The following FGD4 variants were observed in gnomAD, a reference collection of about 807,000 sequenced individuals.
The protein encoded by FGD4 is FYVE, RhoGEF and PH domain containing 4.
In FGD4, 42 loss-of-function variants were observed where a neutral mutation model predicts 102.0. That is an observed-to-expected ratio of 0.41 (90% CI 0.32 to 0.53). FGD4 has a LOEUF of 0.53. Among genes scored for constraint, FGD4 ranks in the 20% least tolerant of loss-of-function variants. The pLI is 0.21. For missense variants in FGD4, 902 were observed against 1,078.2 expected (o/e 0.84, Z 2.29); for synonymous variants, 380 against 375.7 (o/e 1.01, Z -0.13).
At chr12:32,599,260 C>T (rs1383554034) in intron 5 of FGD4, among the ~76,000 whole-genome samples, 4 of 150,888 alleles carry the variant, frequency 2.7e-5, no homozygotes, top group South Asian at 4.2e-4. Flanking sequence ...TTTGGGAGGC[C>T]GAGGCGGGCG....
chr12:32,453,812 T>G (rs1942876996), intron 1 of FGD4, among the ~76,000 whole-genome samples: 1 of 152,232 alleles, frequency 6.6e-6, no homozygotes, highest in Non-Finnish European at 1.5e-5. Context: ...CCACACCCAG[T>G]ACCTAACTGA....
intron 4 of FGD4, among the ~76,000 whole-genome samples, chr12:32,587,181 C>A (rs1947111412): frequency 8.9e-6 from 1 of 112,606 alleles, no homozygotes; most frequent in Non-Finnish European, 1.7e-5. Flanking sequence ...CAGGGTGAGA[C>A]TCTCTCAAAA....
chr12:32,623,211 C>T (rs923403561), intron 11 of FGD4, among the ~76,000 whole-genome samples: 2 of 152,066 alleles, frequency 1.3e-5, no homozygotes, highest in African/African-American at 2.4e-5. Context: ...TCTACCATAA[C>T]TAAAAACTAA....
intron 1 of FGD4, among the ~76,000 whole-genome samples, chr12:32,455,141 TAAG>T (rs1410186237): frequency 1.3e-5 from 2 of 152,202 alleles, no homozygotes; most frequent in African/African-American, 4.8e-5. Flanking sequence ...TTCCTTGAAT[TAAG>T]AAGTTTATTC....
chr12:32,437,202 C>T (rs562947359), intron 1 of FGD4, among the ~76,000 whole-genome samples: 24 of 151,942 alleles, frequency 1.6e-4, no homozygotes, highest in African/African-American at 2.7e-4. Flanking sequence ...CATTCTCTTT[C>T]GGGTCAGACG....
chr12:32,590,616 C>T (rs1193517130), intron 4 of FGD4, among the ~76,000 whole-genome samples: 1 of 152,170 alleles, frequency 6.6e-6, no homozygotes, highest in Non-Finnish European at 1.5e-5. Context: ...AATCCTGGCT[C>T]ATTCGCTTAC....
chr12:32,606,703 A>G (rs1948806372), intron 7 of FGD4, among the ~76,000 whole-genome samples: 1 of 152,212 alleles, frequency 6.6e-6, no homozygotes, highest in African/African-American at 2.4e-5. Flanking sequence ...GATGCTTTGC[A>G]GTACCCTGAT....
At chr12:32,534,436 T>C (rs1257539006) in intron 1 of FGD4, 29 of 1,526,712 alleles carry the variant, frequency 1.9e-5, no homozygotes, top group Non-Finnish European at 2.5e-5. Context: ...AAGCCAAATA[T>C]CTTTTTATTA....
chr12:32,496,774 C>G (rs1383558650), intron 1 of FGD4, among the ~76,000 whole-genome samples: 1 of 151,966 alleles, frequency 6.6e-6, no homozygotes, highest in African/African-American at 2.4e-5. Flanking sequence ...CTATGAATCA[C>G]TTTTTGAAAA....
At position 32,576,407 on chromosome 12, in the gene FGD4, C is replaced by G. The variant is rs371407163; in HGVS notation, c.461C>G (p.Pro154Arg). ...ASASCVSKEK[P>R]SKVSDLISRF... is the part of the protein sequence containing the mutation. ...GCTTCTTGTGTCTCAAAAGAAAAAC[C>G]CAGTAAGGTATCAGATCTCATCAGT... The change falls in exon 3 of 17, where the codon CCC (proline) becomes CGC (arginine). Residue 154 changes from proline to arginine, a missense_variant. By Grantham distance (103) the Pro-to-Arg change is moderately radical (BLOSUM62 -2). Around this residue, in one of 2 missense-constraint regions of FGD4, gnomAD observed 443 missense variants for 459.2 expected, o/e 0.96. Coordinates refer to ENST00000534526, the MANE Select transcript of FGD4 (RefSeq NM_001370298.3). 200 of 1,613,814 alleles carry G rather than the reference C, an allele frequency of 1.2e-4. No individual in the cohort carries two copies. Among genetic ancestry groups the G allele is most frequent in the Middle Eastern group, 1.6e-4 (1 of 6,084 alleles).
intron 1 of FGD4, among the ~76,000 whole-genome samples, chr12:32,539,837 G>C (rs1942654733): frequency 6.6e-6 from 1 of 152,056 alleles, no homozygotes; most frequent in South Asian, 2.1e-4. Flanking sequence ...TAGAAATATG[G>C]AATCAATTTT....
intron 4 of FGD4, among the ~76,000 whole-genome samples, chr12:32,590,309 T>TAAAAAA (rs939160366): frequency 2.5e-5 from 2 of 80,502 alleles, no homozygotes; most frequent in African/African-American, 4.6e-5. Context: ...AGACTTCATC[T>TAAAAAA]AAAAAAAAAA....
chr12:32,469,696 G>T (rs1422754795), intron 1 of FGD4, among the ~76,000 whole-genome samples: 4 of 150,254 alleles, frequency 2.7e-5, no homozygotes, highest in African/African-American at 9.8e-5. Flanking sequence ...TTTTGCTCTT[G>T]TTGCCCAGGC....
intron 1 of FGD4, among the ~76,000 whole-genome samples, chr12:32,449,070 G>A (rs979850833): frequency 6.6e-6 from 1 of 152,166 alleles, no homozygotes; most frequent in African/African-American, 2.4e-5. Flanking sequence ...TACACGAGAT[G>A]TGGTTCCTAT....
At position 32,619,856 on chromosome 12, in the gene FGD4, G is replaced by A; in HGVS notation, c.1908G>A (p.Leu636=). Residue 636 remains leucine (L), a synonymous_variant, in exon 11 of 17, where the codon CTG becomes CTA. Transcript: ENST00000534526. ...TFQVSGKERT[L]ELQASSAQDK... is the part of the protein sequence containing the mutation. ...AGGTGTCTGGGAAAGAGAGAACACT[G>A]GAACTGCAGGCCAGGTAAGGGAACC... 6.2e-7 allele frequency: 1 copy of A among 1,614,090 alleles called. No individual in the cohort carries two copies. The highest frequency in any genetic ancestry group is 2.2e-5 in the East Asian group (1 of 44,870).
At chr12:32,411,295 GGGAGGC>G (rs1362833657) in intron 1 of FGD4, among the ~76,000 whole-genome samples, 1 of 151,968 alleles carries the variant, frequency 6.6e-6, no homozygotes, top group African/African-American at 2.4e-5. Flanking sequence ...CCTGCACTTT[GGGAGGC>G]CGAGGCGGAC....
chr12:32,602,070 A>C, intron 6 of FGD4, 91 bp from the exon 7 acceptor site: 1 of 1,165,750 alleles, frequency 8.6e-7, no homozygotes, highest in Non-Finnish European at 1.3e-6. Flanking sequence ...AGCTGTGATA[A>C]TGCCACTGCA....
chr12:32,609,456 T>C (rs1949001220), intron 8 of FGD4, among the ~76,000 whole-genome samples: 1 of 152,158 alleles, frequency 6.6e-6, no homozygotes, highest in Admixed American at 6.5e-5. Context: ...CTTTATCCCA[T>C]CTTATTTTGT....
rs185761358 is a variant in FGD4 at position 32,492,505 on chromosome 12, T to C, written c.167-71632T>C. Among the ~76,000 whole-genome samples, 372 of 152,382 alleles carry C rather than the reference T, an allele frequency of 2.4e-3. 1 individual carries two copies. The highest frequency in any genetic ancestry group is 8.7e-3 in the African/African-American group (361 of 41,604). ...TGGTTTTATAGTGGATTTTAATTTC[T>C]TCTTTATATCAAAACAATTGATGTT... On this transcript the variant is annotated intron_variant, in intron 1 of 16. Coordinates refer to ENST00000534526, the MANE Select transcript of FGD4 (RefSeq NM_001370298.3).
Sources: allele counts gnomAD v4.1 joint callset (sites outside exome capture counted in the v4.1 genomes callset), GRCh38; gene constraint gnomAD v4.1.1; regional missense constraint gnomAD v4.1.1; transcripts MANE v1.5; gene names NCBI Gene and HGNC (gene_info 2026-07-23, HGNC 2026-07-21).